EML3: variants seen among roughly 807,000 people sequenced by gnomAD.
EML3 encodes the protein EMAP like 3.
A neutral mutation model predicts 106.7 loss-of-function variants in EML3; 53 were observed. The ratio of observed to expected loss-of-function variants is 0.50; its 90% CI spans 0.40 to 0.62. The LOEUF (loss-of-function observed/expected upper bound fraction) is 0.62, where lower values mean the gene tolerates loss of function less well. Ranked by LOEUF, EML3 falls within the 20% of genes least tolerant of loss-of-function variation. The pLI is 0.00. For missense variants in EML3, 994 were observed against 1,209.1 expected (o/e 0.82, Z 2.64); for synonymous variants, 499 against 489.6 (o/e 1.02, Z -0.25).
rs376669884 is a variant in EML3, at chr11:62,608,916, C to T, written c.929+46G>A. On this transcript the variant is annotated intron_variant, in intron 7 of 21. Coordinates refer to ENST00000394773, the MANE Select transcript of EML3 (RefSeq NM_153265.3). ...ACTCTTTTCTCCTGCTTCTCCATCC[C>T]CCCAGACCCTCTTCCTGCCAAGCCC... The T allele has an allele frequency of 3.9e-5, 63 of 1,608,192 alleles. No homozygotes were observed. The African/African-American group carries it at 7.6e-4, about 19-fold the overall frequency.
At position 62,611,758 on chromosome 11, in the gene EML3, G is replaced by C. The variant is rs1225452894; in HGVS notation, c.23-162C>G. 1.9e-5 allele frequency: 15 copies of C among 785,966 alleles called. No homozygotes were observed. In the South Asian group the frequency reaches 2.9e-4, roughly 15 times the overall value. 48.7% of individuals were successfully genotyped at this position (785,966 alleles called of 1,614,324 possible). On this transcript the variant is annotated intron_variant, in intron 1 of 21. Coordinates refer to ENST00000394773, the MANE Select transcript of EML3 (RefSeq NM_153265.3). ...CAGAGGGGAGGAGACGGTGGTAAAGGATCAAGGGCCTCCTTCTGGCAGGGC... is the reference window on the plus strand; with the variant it reads ...CAGAGGGGAGGAGACGGTGGTAAAGCATCAAGGGCCTCCTTCTGGCAGGGC...
Position 62,605,286 on chromosome 11 carries a change from G to T in EML3, c.1915-106C>A. On this transcript the variant is annotated intron_variant, in intron 15 of 21. Coordinates refer to ENST00000394773, the MANE Select transcript of EML3 (RefSeq NM_153265.3). The surrounding 1 kb of genome is among the most constrained non-coding windows in gnomAD (Gnocchi z 5.2). Reference sequence around the variant, plus strand: ...CAAAGCCACTTACTCCCAAGGAGAAGATGGGAAGAGAGGGAAGGGATACCC... The same window carrying T: ...CAAAGCCACTTACTCCCAAGGAGAATATGGGAAGAGAGGGAAGGGATACCC... 2 of 1,168,434 alleles carry T rather than the reference G, an allele frequency of 1.7e-6. No individual in the cohort carries two copies. Among genetic ancestry groups the T allele is most frequent in the Non-Finnish European group, 2.4e-6 (2 of 834,044 alleles). 72.4% of individuals were successfully genotyped at this position (1,168,434 alleles called of 1,614,324 possible).
rs1942886297 is a variant in EML3, at chr11:62,612,523, G to A, written c.-66C>T. On this transcript the variant is annotated 5_prime_UTR_variant, in exon 1 of 22. Transcript: ENST00000394773. ...CGTCTAAGCCGCGGGGGCCACGGCC[G>A]GGGAGAGGGGAAGGGGAAGCACCCC... 3 of 1,330,612 alleles carry A rather than the reference G, an allele frequency of 2.3e-6. No individual in the cohort carries two copies. The highest frequency in any genetic ancestry group is 4.1e-5 in the Admixed American group (1 of 24,224). 82.4% of individuals were successfully genotyped at this position (1,330,612 alleles called of 1,614,324 possible).
chr11:62,602,730 T>C (rs1330586188), intron 21 of EML3, 29 bp downstream of exon 21: 1 of 1,606,790 alleles, frequency 6.2e-7, no homozygotes, highest in Non-Finnish European at 8.5e-7. Context: ...GGCCCACCGG[T>C]CCCACCCCGG....
At position 62,612,491 on chromosome 11, in the gene EML3, G is replaced by C; in HGVS notation, c.-34C>G. On this transcript the variant is annotated 5_prime_UTR_variant, in exon 1 of 22. Transcript: ENST00000394773. ...CGGGTTGCTCCGAGCGGCGGCGGCG[G>C]AGGAGGCGTCTAAGCCGCGGGGGCC... The C allele has an allele frequency of 7.1e-7, 1 of 1,399,918 alleles. No homozygotes were observed. The highest frequency in any genetic ancestry group is 9.2e-7 in the Non-Finnish European group (1 of 1,084,418). 86.7% of individuals were successfully genotyped at this position (1,399,918 alleles called of 1,614,324 possible). A position where few individuals can be genotyped will look rare whatever the true frequency, so the allele number is the denominator to read the frequency against.
In EML3 at chr11:62,605,117, C is replaced by A; in HGVS notation, c.1978G>T (p.Gly660Trp). The A allele has an allele frequency of 6.2e-7, 1 of 1,612,366 alleles. No homozygotes were observed. The highest frequency in any genetic ancestry group is 1.1e-5 in the South Asian group (1 of 90,912). ...GAVVAVGLNT[G>W]RWLVLDTETR... ...GGAGTCCTGGCTCTCTCTCACCTCC[C>A]CGTGTTCAGTCCTACGGCCACAACT... Residue 660 changes from glycine to tryptophan, a missense_variant, in exon 16 of 22, where the codon GGG (glycine) becomes TGG (tryptophan). By Grantham distance (184) the Gly-to-Trp change is radical (BLOSUM62 -2). Transcript: ENST00000394773. The surrounding 1 kb of genome is among the most constrained non-coding windows in gnomAD (Gnocchi z 5.2).
rs113561349 is a variant in EML3 at position 62,608,162 on chromosome 11, C to A, written c.1206+39G>T. On this transcript the variant is annotated intron_variant, in intron 10 of 21. Coordinates refer to ENST00000394773, the MANE Select transcript of EML3 (RefSeq NM_153265.3). ...TCCCTGCACTCCACCACTCCCACCCCCAACCTCAGAGCCCCTCCAAGCCAC... is the reference window on the plus strand; with the variant it reads ...TCCCTGCACTCCACCACTCCCACCCACAACCTCAGAGCCCCTCCAAGCCAC... The A allele has an allele frequency of 3.8e-5, 60 of 1,598,080 alleles. 2 individuals are homozygous for A. In the African/African-American group the frequency reaches 4.2e-4, roughly 11 times the overall value.
Position 62,605,609 on chromosome 11 carries a change from T to C in EML3, c.1914+33A>G. The C allele has an allele frequency of 6.6e-7, 1 of 1,510,474 alleles. No homozygotes were observed. The allele number at this position is 1,510,474 out of a possible 1,614,324, so 93.6% of individuals were successfully genotyped here. A position where few individuals can be genotyped will look rare whatever the true frequency, so the allele number is the denominator to read the frequency against. ...GTGGCCACAGGTGTCCTGGTGGGTG[T>C]GGCATGGGGGATCCAGGGGCACAGG... On this transcript the variant is annotated intron_variant, in intron 15 of 21. Transcript: ENST00000394773. The surrounding 1 kb of genome is among the most constrained non-coding windows in gnomAD (Gnocchi z 5.2).
In EML3 at chr11:62,611,228, T is replaced by C. The variant is rs761194018; in HGVS notation, c.311A>G (p.Asn104Ser). ...KSSPGPPGLS[N>S]GPPAPQGASE... ...GGCCCCCTGAGGGGCTGGGGGTCCA[T>C]TGCTCAGGCCAGGGGGTCCAGGGGA... The change falls in exon 3 of 22, where the codon AAT becomes AGT. Residue 104 changes from asparagine to serine, a missense_variant. Physicochemically the swap from Asn to Ser is conservative, Grantham distance 46 (BLOSUM62 1). Coordinates refer to ENST00000394773, the MANE Select transcript of EML3 (RefSeq NM_153265.3). The C allele has an allele frequency of 3.1e-6, 5 of 1,611,816 alleles. No individual in the cohort carries two copies. In the East Asian group the frequency reaches 6.7e-5, roughly 22 times the overall value.
Position 62,605,056 on chromosome 11 carries a change from A to G in EML3, c.1982+57T>C. 1.9e-6 allele frequency: 3 copies of G among 1,554,684 alleles called. No individual in the cohort carries two copies. The highest frequency in any genetic ancestry group is 1.7e-4 in the Middle Eastern group (1 of 5,780). ...CACTCTCGCCCACTCCCCCAGTACC[A>G]GGAACCCTTCCCAGTCCTCCCTGCT... On this transcript the variant is annotated intron_variant, in intron 16 of 21. Transcript: ENST00000394773. The surrounding 1 kb of genome is among the most constrained non-coding windows in gnomAD (Gnocchi z 5.2).
At chr11:62,603,010 C>G in intron 20 of EML3, 121 bp from the exon 21 acceptor site, 5 of 1,485,528 alleles carry the variant, frequency 3.4e-6, no homozygotes, top group Non-Finnish European at 4.5e-6. Flanking sequence ...GGCAAGCCTT[C>G]CCGGTCCCGA....
At position 62,609,690 on chromosome 11, in the gene EML3, C is replaced by T. The variant is rs199724350; in HGVS notation, c.573G>A (p.Gly191=). 18 of 1,600,798 alleles carry T rather than the reference C, an allele frequency of 1.1e-5. No homozygotes were observed. Among genetic ancestry groups the T allele is most frequent in the Non-Finnish European group, 1.5e-5 (18 of 1,174,358 alleles). Residue 191 remains glycine, a synonymous_variant, in exon 5 of 22, where the codon GGG becomes GGA. Transcript: ENST00000394773. ...LVRSGSTESR[G]GKDPLSSPGG... ...CAGGGCTGGAGAGGGGGTCTTTTCC[C>T]CCACGGCTGTTGGGAAGAGAGAAAG...
Position 62,603,175 on chromosome 11 carries a change from G to C in EML3, c.2330C>G (p.Thr777Ser). Residue 777 changes from threonine (T) to serine (S), a missense_variant, in exon 20 of 22, where the codon ACC becomes AGC. Physicochemically the swap from Thr to Ser is moderately conservative, Grantham distance 58. Transcript: ENST00000394773. ...GTAGACGTGAAAGCCCAGCACACAGGTGTAGGTAGCCCATTCCCGGTCTCG... is the reference window on the plus strand; with the variant it reads ...GTAGACGTGAAAGCCCAGCACACAGCTGTAGGTAGCCCATTCCCGGTCTCG... ...ESRDREWATY[T>S]CVLGFHVYGV... 3 of 1,614,094 alleles carry C rather than the reference G, an allele frequency of 1.9e-6. No homozygotes were observed. Among genetic ancestry groups the C allele is most frequent in the East Asian group, 2.2e-5 (1 of 44,882 alleles).
In EML3 at chr11:62,605,815, C is replaced by T. The variant is rs1303591349; in HGVS notation, c.1782+40G>A. The T allele has an allele frequency of 6.2e-7, 1 of 1,610,128 alleles. No individual in the cohort carries two copies. The highest frequency in any genetic ancestry group is 1.3e-5 in the African/African-American group (1 of 74,884). ...CTGTCACTCCTGCCCCTCTCTCACA[C>T]CCCTTTGTCCCTTCCTCCCCTGAGC... On this transcript the variant is annotated intron_variant, in intron 14 of 21. Transcript: ENST00000394773. This position sits in a 1 kb window ranked among gnomAD's most constrained non-coding sequence, Gnocchi z 5.2.
In EML3 at chr11:62,602,781, T is replaced by C; in HGVS notation, c.2465A>G (p.Gln822Arg). 1 of 1,611,666 alleles carries C rather than the reference T, an allele frequency of 6.2e-7. No homozygotes were observed. The highest frequency in any genetic ancestry group is 1.1e-5 in the South Asian group (1 of 91,020). Residue 822 changes from glutamine to arginine, a missense_variant, in exon 21 of 22, where the codon CAG becomes CGG. By Grantham distance (43) the Gln-to-Arg change is conservative. Transcript: ENST00000394773. ...ADDFCKVHLF[Q>R]YPCARAKAPS... is the part of the protein sequence containing the mutation. Reference sequence around the variant, plus strand: ...CACCTTGGCACGAGCGCACGGGTACTGGAAGAGATGCACTTTGCAGAAGTC... The same window carrying C: ...CACCTTGGCACGAGCGCACGGGTACCGGAAGAGATGCACTTTGCAGAAGTC...
At chr11:62,606,874 AG>A (rs1942549261) in intron 12 of EML3, 83 bp downstream of exon 12, 86 of 1,395,052 alleles carry the variant, frequency 6.2e-5, no homozygotes, top group Admixed American at 3.9e-4. Flanking sequence ...AAAAAAAAAA[AG>A]ATGGGAATGG....
In EML3 at chr11:62,603,260, A is replaced by T. The variant is rs1350003760; in HGVS notation, c.2258-13T>A. The stretch of plus-strand genomic sequence containing the variant: ...CCAGCCACGTCCCCTGGGGAGAGGG[A>T]GCCCGCCCAGCTCAGCTCTCACCCT... On this transcript the variant is annotated splice_polypyrimidine_tract_variant and intron_variant, in intron 19 of 21. Transcript: ENST00000394773. 1 of 1,611,074 alleles carries T rather than the reference A, an allele frequency of 6.2e-7. No homozygotes were observed. The highest frequency in any genetic ancestry group is 1.7e-5 in the Admixed American group (1 of 59,992).
chr11:62,605,891 C>G lies in EML3; in HGVS notation c.1746G>C (p.Arg582Ser), dbSNP rs747827441. Residue 582 changes from arginine (R) to serine (S), a missense_variant, in exon 14 of 22, where the codon AGG (arginine) becomes AGC (serine). Physicochemically the swap from Arg to Ser is moderately radical, Grantham distance 110 (BLOSUM62 -1). Transcript: ENST00000394773. This position sits in a 1 kb window ranked among gnomAD's most constrained non-coding sequence, Gnocchi z 5.2. ...GGGAGAAGCCCTGGGCCAGGTCTCC[C>G]CTCAGCAATGCATTCTTCGTGGTTC... The part of the protein sequence containing the change: ...LVGTTKNALL[R>S]GDLAQGFSPV... 2 of 1,614,208 alleles carry G rather than the reference C, an allele frequency of 1.2e-6. No homozygotes were observed. The highest frequency in any genetic ancestry group is 2.2e-5 in the South Asian group (2 of 91,090).
At chr11:62,608,020 GC>G (rs1328725536) in intron 10 of EML3, 180 bp downstream of exon 10, 1 of 786,324 alleles carries the variant, frequency 1.3e-6, no homozygotes, top group African/African-American at 1.7e-5. Context: ...AACACATTAT[GC>G]CTCATGAGGT....
Sources: allele counts gnomAD v4.1 joint callset, GRCh38; gene constraint gnomAD v4.1.1; non-coding constraint Gnocchi (gnomAD v3.1); transcripts MANE v1.5; gene names NCBI Gene and HGNC (gene_info 2026-07-23, HGNC 2026-07-21).